The following ZNF451 variants were observed in gnomAD, a reference collection of about 807,000 sequenced individuals.
The protein encoded by ZNF451 is zinc finger protein 451.
Under a neutral mutation model 107.1 loss-of-function variants are expected in ZNF451, and 80 were observed. The ratio of observed to expected loss-of-function variants is 0.75; its 90% confidence interval spans 0.62 to 0.90. The LOEUF (loss-of-function observed/expected upper bound fraction) is 0.90, where lower values mean the gene tolerates loss of function less well. Ranked by LOEUF, ZNF451 falls within the 40% of genes least tolerant of loss-of-function variation. ZNF451 has a pLI of 0.00. For synonymous variants in ZNF451, 362 were observed against 406.5 expected (o/e 0.89, Z 1.32); for missense variants, 1,107 against 1,236.2 (o/e 0.90, Z 1.57).
intron 3 of ZNF451, chr6:57,102,962 G>A (rs1593084470): frequency 1.0e-6 from 1 of 985,362 alleles, no homozygotes; most frequent in Non-Finnish European, 1.2e-6. Context: ...CTGAGTCATG[G>A]TAGTCTCTCA....
rs1204216064 is a variant in ZNF451 at position 57,148,279 on chromosome 6, G to A, written c.2194G>A (p.Val732Ile). 1.9e-6 allele frequency: 3 copies of A among 1,613,852 alleles called. No individual in the cohort carries two copies. Among genetic ancestry groups the A allele is most frequent in the Non-Finnish European group, 2.5e-6 (3 of 1,179,950 alleles). Residue 732 changes from valine to isoleucine, a missense_variant, in exon 10 of 15, where the codon GTC becomes ATC. Physicochemically the swap from Val to Ile is conservative, Grantham distance 29. Around this residue, in one of 5 missense-constraint regions of ZNF451, gnomAD observed 608 missense variants for 649.2 expected, o/e 0.94. Transcript: ENST00000370706. ...CGCRESYICK[V>I]NRKEDYSRCL... ...TTGCCGTGAGAGTTACATCTGTAAA[G>A]TCAACAGAAAAGAAGATTATAGCAG... is the stretch of plus-strand genomic sequence containing the variant.
At chr6:57,161,750 A>G (rs919099908) in intron 14 of ZNF451, among the ~76,000 whole-genome samples, 1 of 152,124 alleles carries the variant, frequency 6.6e-6, no homozygotes, top group Non-Finnish European at 1.5e-5. Context: ...ACTGGAATGC[A>G]GTGGTACAAT....
intron 3 of ZNF451, chr6:57,099,753 G>T: frequency 2.3e-6 from 1 of 428,234 alleles, no homozygotes; most frequent in Non-Finnish European, 4.2e-6. Flanking sequence ...TAACAGTCTT[G>T]CCTTTCATTT....
In ZNF451 at chr6:57,121,763, A is replaced by G. The variant is rs529552006; in HGVS notation, c.187-2971A>G. On this transcript the variant is annotated intron_variant, in intron 3 of 14. Transcript: ENST00000370706. Reference sequence around the variant, plus strand: ...GCAAATGGAAAAACATTCCATGCTCATGGATGGGAAGACTCAATATCATTA... The same window carrying G: ...GCAAATGGAAAAACATTCCATGCTCGTGGATGGGAAGACTCAATATCATTA... Among the ~76,000 whole-genome samples the G allele has an allele frequency of 2.1e-4, 32 of 152,318 alleles. No individual in the cohort carries two copies. The Middle Eastern group carries it at 0.014, about 65-fold the overall frequency.
intron 3 of ZNF451, chr6:57,100,673 C>G: frequency 6.5e-7 from 1 of 1,549,924 alleles, no homozygotes; most frequent in Non-Finnish European, 8.7e-7. Flanking sequence ...TGCAATGTTC[C>G]TCTTCCCATT....
intron 14 of ZNF451, among the ~76,000 whole-genome samples, chr6:57,167,173 G>GTA (rs137939383): frequency 3.4e-4 from 51 of 150,984 alleles, no homozygotes; most frequent in African/African-American, 9.0e-4. Flanking sequence ...TTGTGATTTC[G>GTA]TATATATATA....
At chr6:57,124,276 T>A (rs1432983785) in intron 3 of ZNF451, among the ~76,000 whole-genome samples, 1 of 152,186 alleles carries the variant, frequency 6.6e-6, no homozygotes, top group Non-Finnish European at 1.5e-5. Flanking sequence ...AGGGCCCCTC[T>A]ATGGCTGGCT....
At chr6:57,134,911 T>G (rs767980834) in intron 7 of ZNF451, 41 bp downstream of exon 7, 15 of 1,551,966 alleles carry the variant, frequency 9.7e-6, no homozygotes, top group Non-Finnish European at 1.3e-5. Flanking sequence ...TTTTTCTAGA[T>G]AGCCATGGAG....
intron 3 of ZNF451, chr6:57,101,387 T>C: frequency 6.4e-7 from 1 of 1,550,720 alleles, no homozygotes; most frequent in Non-Finnish European, 8.7e-7. Context: ...TCTTCCTTCA[T>C]GGGACACAGG....
chr6:57,090,356 C>T (rs1415186188), intron 1 of ZNF451, 82 bp downstream of exon 1: 38 of 1,573,008 alleles, frequency 2.4e-5, no homozygotes, highest in Non-Finnish European at 3.0e-5. Context: ...AGGCCTGGTG[C>T]TCCGTCGCAG....
chr6:57,166,017 G>A (rs919701859), intron 14 of ZNF451, among the ~76,000 whole-genome samples: 6 of 151,916 alleles, frequency 3.9e-5, no homozygotes, highest in Admixed American at 1.3e-4. Context: ...AACACTGTAC[G>A]ATTAGGCTAT....
At chr6:57,113,383 G>C (rs1485159735) in intron 3 of ZNF451, among the ~76,000 whole-genome samples, 3 of 150,154 alleles carry the variant, frequency 2.0e-5, no homozygotes, top group Non-Finnish European at 4.4e-5. Flanking sequence ...ACCTAGTCCT[G>C]CTTTTTAATA....
chr6:57,144,902 C>G (rs2127976981), intron 9 of ZNF451, among the ~76,000 whole-genome samples: 1 of 152,280 alleles, frequency 6.6e-6, no homozygotes, highest in Non-Finnish European at 1.5e-5. Flanking sequence ...GCACTCCAGC[C>G]TGGGTGACAG....
At chr6:57,091,833 G>C (rs555886255) in intron 2 of ZNF451, among the ~76,000 whole-genome samples, 182 of 152,196 alleles carry the variant, frequency 1.2e-3, no homozygotes, top group African/African-American at 4.1e-3. Flanking sequence ...TTGTAAAATT[G>C]GTTATTAAAC....
intron 7 of ZNF451, among the ~76,000 whole-genome samples, chr6:57,139,315 G>A (rs907000936): frequency 1.3e-5 from 2 of 152,086 alleles, no homozygotes; most frequent in Admixed American, 1.3e-4. Context: ...GGGAGGAGGG[G>A]TAAGTTGGTT....
chr6:57,153,936 C>T lies in ZNF451; in HGVS notation c.2959C>T (p.Leu987=), dbSNP rs769217260. 16 of 1,614,176 alleles carry T rather than the reference C, an allele frequency of 9.9e-6. No individual in the cohort carries two copies. The highest frequency in any genetic ancestry group is 8.8e-5 in the South Asian group (8 of 91,086). ...ILSGDQGFLE[L]ENQFKKTQRP... ...CTCAGGAGATCAAGGTTTTCTGGAG[C>T]TAGAGAATCAATTTAAGAAGACTCA... Residue 987 remains leucine (L), a synonymous_variant, in exon 13 of 15, where the codon CTA becomes TTA. Transcript: ENST00000370706.
At chr6:57,152,100 A>G in intron 11 of ZNF451, 121 bp from the exon 12 acceptor site, 3 of 810,722 alleles carry the variant, frequency 3.7e-6, no homozygotes, top group Non-Finnish European at 5.5e-6. Context: ...GTTCTTCCAC[A>G]TTCTGATCTA....
intron 5 of ZNF451, among the ~76,000 whole-genome samples, chr6:57,130,486 A>G (rs1831132382): frequency 6.6e-6 from 1 of 152,164 alleles, no homozygotes; most frequent in Admixed American, 6.5e-5. Flanking sequence ...AGATTCTTCT[A>G]GGGCATCTGT....
intron 3 of ZNF451, among the ~76,000 whole-genome samples, chr6:57,121,572 C>A (rs1005072746): frequency 2.0e-5 from 3 of 152,126 alleles, no homozygotes; most frequent in African/African-American, 7.2e-5. Context: ...TCAGTATCAT[C>A]TCTATATACC....
Sources: gnomAD v4.1 joint callset for allele counts (sites outside exome capture counted in the v4.1 genomes callset) on GRCh38, gnomAD v4.1.1 for gene constraint, gnomAD v4.1.1 regional missense constraint, MANE v1.5 for transcripts, NCBI Gene and HGNC (gene_info 2026-07-23, HGNC 2026-07-21) for gene names.